Variants in ERBB4 observed in about 807,000 individuals in gnomAD.
ERBB4 encodes the protein receptor tyrosine-protein kinase erbB-4.
ERBB4 carries 42 observed loss-of-function variants against 158.0 expected under a neutral mutation model. The observed-to-expected ratio is 0.27, with a 90% CI of 0.21 to 0.34. The LOEUF (loss-of-function observed/expected upper bound fraction) is 0.34, where lower values mean the gene tolerates loss of function less well. Among genes scored for constraint, ERBB4 ranks in the 10% least tolerant of loss-of-function variants. The probability of loss-of-function intolerance (pLI) is 1.00; values close to 1 mark genes in which losing one functional copy is unlikely to be tolerated. For synonymous variants in ERBB4, 583 were observed against 558.7 expected, an observed-to-expected ratio of 1.04 and a Z score of -0.61; for missense variants, 1,333 against 1,624.1, an observed-to-expected ratio of 0.82 and a Z score of 3.08.
At chr2:211,810,830 G>T (rs1478839462) in intron 3 of ERBB4, among the ~76,000 whole-genome samples, 1 of 151,590 alleles carries the variant, frequency 6.6e-6, no homozygotes, top group African/African-American at 2.4e-5. Flanking sequence ...CCGCCACCGC[G>T]CCCGGCTAAT....
At position 211,428,424 on chromosome 2, in the gene ERBB4, A is replaced by G; in HGVS notation, c.2703T>C (p.Ser901=). Residue 901 remains serine, a synonymous_variant, in exon 22 of 28, where the codon AGT becomes AGC. Coordinates refer to ENST00000342788, the MANE Select transcript of ERBB4 (RefSeq NM_005235.3). ...CIHYRKFTHQ[S]DVWSYGVTIW... is the part of the protein sequence containing the mutation. Reference sequence around the variant, plus strand: ...TTTATTTACCATAGCTCCAAACGTCACTCTGATGGGTGAATTTCCTGTAAT... The same window carrying G: ...TTTATTTACCATAGCTCCAAACGTCGCTCTGATGGGTGAATTTCCTGTAAT... 1.3e-6 allele frequency: 2 copies of G among 1,587,732 alleles called. No individual in the cohort carries two copies. The highest frequency in any genetic ancestry group is 1.1e-5 in the South Asian group (1 of 90,380).
intron 3 of ERBB4, among the ~76,000 whole-genome samples, chr2:211,893,141 A>G (rs112720953): frequency 2.7e-5 from 4 of 145,776 alleles, no homozygotes; most frequent in Non-Finnish European, 4.5e-5. Flanking sequence ...GAGGCATCAC[A>G]TTACCTGACT....
chr2:211,913,617 A>ATGTGTGTGTGTGTG (rs879271352), intron 3 of ERBB4, among the ~76,000 whole-genome samples: 31 of 118,486 alleles, frequency 2.6e-4, no homozygotes, highest in African/African-American at 1.0e-3. Context: ...ATATATATAT[A>ATGTGTGTGTGTGTG]TATGTGTGTG....
chr2:211,433,601 A>T (rs1374259586), intron 20 of ERBB4, among the ~76,000 whole-genome samples: 5 of 151,962 alleles, frequency 3.3e-5, no homozygotes, highest in East Asian at 1.9e-4. Context: ...TAAAATAAAA[A>T]AAGGGGAGTG....
intron 20 of ERBB4, among the ~76,000 whole-genome samples, chr2:211,540,342 T>A (rs560329543): frequency 6.6e-6 from 1 of 151,932 alleles, no homozygotes; most frequent in Non-Finnish European, 1.5e-5. Context: ...TTAAGAATCA[T>A]AATCTGGTAG....
chr2:212,484,153 G>A (rs887481308), intron 1 of ERBB4, among the ~76,000 whole-genome samples: 1 of 152,118 alleles, frequency 6.6e-6, no homozygotes, highest in Non-Finnish European at 1.5e-5. Context: ...TAAAAACTCA[G>A]TGTTCTAAAT....
chr2:211,512,133 T>C (rs910396875), intron 20 of ERBB4, among the ~76,000 whole-genome samples: 11 of 152,128 alleles, frequency 7.2e-5, no homozygotes, highest in Non-Finnish European at 1.2e-4. Context: ...ACTGGCAACA[T>C]TCAATTTGGA....
intron 1 of ERBB4, among the ~76,000 whole-genome samples, chr2:212,232,193 G>A (rs1439545336): frequency 2.0e-5 from 3 of 151,980 alleles, no homozygotes; most frequent in Non-Finnish European, 4.4e-5. Context: ...GTTAATATAT[G>A]TTGTTTTTAT....
At chr2:211,504,025 C>G (rs781228786) in intron 20 of ERBB4, among the ~76,000 whole-genome samples, 6 of 152,134 alleles carry the variant, frequency 3.9e-5, no homozygotes, top group African/African-American at 7.2e-5. Context: ...GCAATTGCCT[C>G]TCACCTGCAA....
chr2:212,413,131 CTAA>C (rs2091547879), intron 1 of ERBB4, among the ~76,000 whole-genome samples: 1 of 133,908 alleles, frequency 7.5e-6, no homozygotes, highest in African/African-American at 2.8e-5. Flanking sequence ...CCATGCGTGG[CTAA>C]TTTTTTTTTT....
At chr2:212,510,065 T>C (rs1691422930) in intron 1 of ERBB4, among the ~76,000 whole-genome samples, 2 of 150,968 alleles carry the variant, frequency 1.3e-5, no homozygotes, top group Admixed American at 6.6e-5. Context: ...CAGTCAAATG[T>C]ATACACTAAC....
intron 18 of ERBB4, 21 bp downstream of exon 18, chr2:211,623,901 T>C (rs749164797): frequency 1.2e-6 from 2 of 1,613,184 alleles, no homozygotes; most frequent in Non-Finnish European, 1.7e-6. Flanking sequence ...TAACTAACGA[T>C]ATGCGTTGTT....
intron 1 of ERBB4, among the ~76,000 whole-genome samples, chr2:212,341,216 A>G (rs1231743728): frequency 2.0e-5 from 3 of 151,772 alleles, no homozygotes; most frequent in Non-Finnish European, 4.4e-5. Context: ...ATTTGCTATT[A>G]TATAAAAATA....
chr2:212,489,693 T>C (rs953081389), intron 1 of ERBB4, among the ~76,000 whole-genome samples: 1 of 151,278 alleles, frequency 6.6e-6, no homozygotes, highest in Non-Finnish European at 1.5e-5. Flanking sequence ...AGGACTTCTC[T>C]TTTTGGGAAT....
intron 2 of ERBB4, among the ~76,000 whole-genome samples, chr2:212,012,623 C>T (rs1237365634): frequency 2.6e-5 from 4 of 152,168 alleles, no homozygotes; most frequent in Non-Finnish European, 5.9e-5. Context: ...CCATCTTGGC[C>T]AGGCTGGTCC....
At chr2:211,898,537 C>G (rs911398318) in intron 3 of ERBB4, among the ~76,000 whole-genome samples, 1 of 152,088 alleles carries the variant, frequency 6.6e-6, no homozygotes, top group Non-Finnish European at 1.5e-5. Context: ...TATTTGACGT[C>G]TATTCAAAAA....
At chr2:212,395,996 T>C (rs916267944) in intron 1 of ERBB4, among the ~76,000 whole-genome samples, 14 of 152,128 alleles carry the variant, frequency 9.2e-5, no homozygotes, top group Non-Finnish European at 1.9e-4. Context: ...GAGAGTCTTA[T>C]ATAGGAGTGG....
intron 1 of ERBB4, among the ~76,000 whole-genome samples, chr2:212,372,517 A>G (rs2090124134): frequency 6.6e-6 from 1 of 152,062 alleles, no homozygotes; most frequent in Non-Finnish European, 1.5e-5. Flanking sequence ...TGGGAGGTTG[A>G]GGCGGGCGGA....
chr2:212,511,168 A>C (rs1041385191), intron 1 of ERBB4, among the ~76,000 whole-genome samples: 1 of 152,214 alleles, frequency 6.6e-6, no homozygotes, highest in Non-Finnish European at 1.5e-5. Flanking sequence ...TAGAAGAATT[A>C]AAGATGCCAC....
Sources: gnomAD v4.1 joint callset for allele counts (sites outside exome capture counted in the v4.1 genomes callset) on GRCh38, gnomAD v4.1.1 for gene constraint, MANE v1.5 for transcripts, NCBI Gene and HGNC (gene_info 2026-07-23, HGNC 2026-07-21) for gene names.